Variants in CISD2 observed in about 807,000 individuals in gnomAD.
CISD2 encodes the protein CDGSH iron-sulfur domain-containing protein 2.
A neutral mutation model predicts 12.9 loss-of-function variants in CISD2; 1 was observed. The observed-to-expected ratio is 0.08, with a 90% CI of 0.03 to 0.37. The LOEUF is 0.37. CISD2 is among the 10% of genes least tolerant of loss of function. The pLI is 0.99. For missense variants in CISD2, 97 were observed against 163.1 expected (o/e 0.59, Z 2.21); for synonymous variants, 50 against 60.6 (o/e 0.83, Z 0.81).
At chr4:102,885,083 A>G (rs1352913127) in intron 1 of CISD2, 133 bp from the exon 2 acceptor site, 6 of 740,270 alleles carry the variant, frequency 8.1e-6, no homozygotes. Flanking sequence ...TTATTTATTC[A>G]CAGTTTTATG....
intron 1 of CISD2, among the ~76,000 whole-genome samples, chr4:102,880,849 G>A (rs1420383956): frequency 1.3e-5 from 2 of 151,690 alleles, no homozygotes; most frequent in Admixed American, 6.6e-5. Context: ...AAAATTAGCT[G>A]GGTGTGGTGG....
At chr4:102,874,886 C>T (rs1578310327) in intron 1 of CISD2, among the ~76,000 whole-genome samples, 1 of 152,310 alleles carries the variant, frequency 6.6e-6, no homozygotes, top group Middle Eastern at 3.4e-3. Flanking sequence ...CTTGCCTTGT[C>T]TTCTTCCACT....
chr4:102,876,030 T>G (rs958053232), intron 1 of CISD2, among the ~76,000 whole-genome samples: 1 of 152,220 alleles, frequency 6.6e-6, no homozygotes, highest in African/African-American at 2.4e-5. Flanking sequence ...TTTTCTCTTA[T>G]GTCATCCTTT....
intron 1 of CISD2, among the ~76,000 whole-genome samples, chr4:102,880,898 G>A (rs1447506839): frequency 6.6e-6 from 1 of 151,666 alleles, no homozygotes; most frequent in African/African-American, 2.4e-5. Context: ...AGGTCACTGA[G>A]GCACGAGAAT....
Position 102,869,054 on chromosome 4 carries a change from C to A in CISD2, c.-31C>A. The A allele has an allele frequency of 6.3e-7, 1 of 1,590,064 alleles. No individual in the cohort carries two copies. On this transcript the variant is annotated 5_prime_UTR_variant, in exon 1 of 3. Transcript: ENST00000273986. ...GGCAGCTTGGCCAGAGCGGAGGGGGCTCGGGAGAGGAGTGGACGCCGCTGG... is the reference window on the plus strand; with the variant it reads ...GGCAGCTTGGCCAGAGCGGAGGGGGATCGGGAGAGGAGTGGACGCCGCTGG...
At chr4:102,878,986 A>G (rs911075274) in intron 1 of CISD2, among the ~76,000 whole-genome samples, 2 of 152,234 alleles carry the variant, frequency 1.3e-5, no homozygotes, top group Non-Finnish European at 2.9e-5. Flanking sequence ...GGGAGGCCTC[A>G]GGAAACTTAC....
intron 1 of CISD2, among the ~76,000 whole-genome samples, chr4:102,880,967 G>A (rs1578312769): frequency 6.6e-6 from 1 of 150,866 alleles, no homozygotes; most frequent in East Asian, 1.9e-4. Flanking sequence ...CTCCAGCCTG[G>A]GAAACAGAGC....
rs1434780429 is a variant in CISD2, at chr4:102,890,118, C to A, written c.*2688C>A. 3 of 152,152 alleles carry A rather than the reference C, an allele frequency of 2.0e-5. No individual in the cohort carries two copies. Among genetic ancestry groups the A allele is most frequent in the Non-Finnish European group, 4.4e-5 (3 of 68,014 alleles). The allele number at this position is 152,152 out of a possible 1,614,324, so 9.4% of individuals were successfully genotyped here. A position where few individuals can be genotyped will look rare whatever the true frequency, so the allele number is the denominator to read the frequency against. On this transcript the variant is annotated 3_prime_UTR_variant, in exon 3 of 3. Transcript: ENST00000273986. Reference sequence around the variant, plus strand: ...TAGCAGGCTTGAGGTATGAATGATTCATTCATATGGGTAATTAAGCAAGTT... The same window carrying A: ...TAGCAGGCTTGAGGTATGAATGATTAATTCATATGGGTAATTAAGCAAGTT...
In CISD2 at chr4:102,889,717, C is replaced by T. The variant is rs1282240265; in HGVS notation, c.*2287C>T. On this transcript the variant is annotated 3_prime_UTR_variant, in exon 3 of 3. Coordinates refer to ENST00000273986, the MANE Select transcript of CISD2 (RefSeq NM_001008388.5). Reference sequence around the variant, plus strand: ...CCCACCTGTGCACATTTTTCAGAAGCGTAGGGTTGGTAGTAAGCTGTTGCT... The same window carrying T: ...CCCACCTGTGCACATTTTTCAGAAGTGTAGGGTTGGTAGTAAGCTGTTGCT... 2.0e-5 allele frequency: 3 copies of T among 152,078 alleles called. No individual in the cohort carries two copies. Among genetic ancestry groups the T allele is most frequent in the African/African-American group, 4.8e-5 (2 of 41,382 alleles). The allele number at this position is 152,078 out of a possible 1,614,324, so 9.4% of individuals were successfully genotyped here.
At chr4:102,871,074 T>C (rs754005091) in intron 1 of CISD2, among the ~76,000 whole-genome samples, 10 of 152,198 alleles carry the variant, frequency 6.6e-5, no homozygotes, top group Non-Finnish European at 1.5e-4. Context: ...AAGTTAACTG[T>C]TGAGGAATTT....
intron 1 of CISD2, among the ~76,000 whole-genome samples, chr4:102,873,849 T>A (rs1370656036): frequency 6.6e-6 from 1 of 151,234 alleles, no homozygotes; most frequent in East Asian, 1.9e-4. Context: ...ACAGGCCAGG[T>A]ACGGTGTGGC....
intron 1 of CISD2, 80 bp downstream of exon 1, chr4:102,869,267 A>C (rs1440440784): frequency 2.2e-5 from 33 of 1,529,010 alleles, no homozygotes; most frequent in Non-Finnish European, 2.8e-5. Context: ...CCTAGGGCCA[A>C]GGGGCGGGAC....
chr4:102,873,817 C>T (rs879402715), intron 1 of CISD2, among the ~76,000 whole-genome samples: 1 of 150,212 alleles, frequency 6.7e-6, no homozygotes, highest in Admixed American at 6.6e-5. Context: ...AGATGAACAA[C>T]TCACATTTAA....
rs1427990175 is a variant in CISD2, at chr4:102,891,195, T to A, written c.*3765T>A. The A allele has an allele frequency of 1.3e-5, 2 of 151,946 alleles. No individual in the cohort carries two copies. Among genetic ancestry groups the A allele is most frequent in the African/African-American group, 4.9e-5 (2 of 41,216 alleles). 9.4% of individuals were successfully genotyped at this position (151,946 alleles called of 1,614,324 possible). On this transcript the variant is annotated 3_prime_UTR_variant, in exon 3 of 3. Coordinates refer to ENST00000273986, the MANE Select transcript of CISD2 (RefSeq NM_001008388.5). ...GTGGTAATTGAAAAAGTCTTCTTTT[T>A]AAAAAATTTTTAATGGTAGAGGCAG...
At position 102,869,091 on chromosome 4, in the gene CISD2, C is replaced by T; in HGVS notation, c.7C>T (p.Leu3=). The T allele has an allele frequency of 6.2e-7, 1 of 1,610,488 alleles. No individual in the cohort carries two copies. Among genetic ancestry groups the T allele is most frequent in the East Asian group, 2.2e-5 (1 of 44,766 alleles). Residue 3 remains leucine (L), a synonymous_variant, in exon 1 of 3, where the codon CTG becomes TTG. Coordinates refer to ENST00000273986, the MANE Select transcript of CISD2 (RefSeq NM_001008388.5). ...GTGGACGCCGCTGGCCAGGATGGTG[C>T]TGGAGAGCGTGGCCCGTATCGTGAA... MV[L]ESVARIVKVQ...
At chr4:102,869,247 G>A (rs2110389373) in intron 1 of CISD2, 60 bp downstream of exon 1, 1 of 1,552,690 alleles carries the variant, frequency 6.4e-7, no homozygotes, top group East Asian at 2.4e-5. Context: ...GGGGAAGGAG[G>A]CGTAAAAATC....
chr4:102,885,469 T>G (rs1394596310), intron 2 of CISD2, 39 bp downstream of exon 2: 2 of 1,520,820 alleles, frequency 1.3e-6, no homozygotes, highest in Non-Finnish European at 1.8e-6. Context: ...AATTTTGCAG[T>G]GCTAGGATTG....
chr4:102,881,190 CAG>C (rs1175307548), intron 1 of CISD2, among the ~76,000 whole-genome samples: 2 of 151,722 alleles, frequency 1.3e-5, no homozygotes, highest in Non-Finnish European at 2.9e-5. Context: ...CCTTAATTGA[CAG>C]AGAAATATTC....
intron 1 of CISD2, among the ~76,000 whole-genome samples, chr4:102,873,805 G>A (rs1410393235): frequency 1.4e-5 from 2 of 146,436 alleles, no homozygotes; most frequent in Non-Finnish European, 3.0e-5. Flanking sequence ...AGCTCAATAA[G>A]AAGATGAACA....
Sources: gnomAD v4.1 joint callset for allele counts (sites outside exome capture counted in the v4.1 genomes callset) on GRCh38, gnomAD v4.1.1 for gene constraint, MANE v1.5 for transcripts, NCBI Gene and HGNC (gene_info 2026-07-23, HGNC 2026-07-21) for gene names.